PCDH9: variants seen among roughly 807,000 people sequenced by gnomAD.
The protein encoded by PCDH9 is protocadherin 9.
PCDH9 carries 24 observed loss-of-function variants against 70.6 expected under a neutral mutation model. The ratio of observed to expected loss-of-function variants is 0.34; its 90% CI spans 0.25 to 0.48. The LOEUF (loss-of-function observed/expected upper bound fraction) is 0.48, where lower values mean the gene tolerates loss of function less well. PCDH9 is among the 20% of genes least tolerant of loss of function. The pLI is 0.99. For missense variants in PCDH9, 1,281 were observed against 1,503.6 expected (o/e 0.85, Z 2.45); for synonymous variants, 562 against 558.5 (o/e 1.01, Z -0.09).
At chr13:66,707,190 T>C (rs2078722872) in intron 3 of PCDH9, among the ~76,000 whole-genome samples, 1 of 152,196 alleles carries the variant, frequency 6.6e-6, no homozygotes, top group Admixed American at 6.5e-5. Flanking sequence ...CCATAACATG[T>C]AGCAATAACA....
chr13:66,315,667 G>C (rs1955638356), intron 4 of PCDH9, among the ~76,000 whole-genome samples: 2 of 152,196 alleles, frequency 1.3e-5, no homozygotes, highest in South Asian at 2.1e-4. Flanking sequence ...CTTTAATAGT[G>C]ACGGGGTTTC....
rs571467131 is a variant in PCDH9 at position 66,645,207 on chromosome 13, TA to T, written c.3139-13797del. Among the ~76,000 whole-genome samples the T allele has an allele frequency of 3.0e-3, 462 of 152,186 alleles. 1 individual carries two copies. Among genetic ancestry groups the T allele is most frequent in the African/African-American group, 0.011 (439 of 41,544 alleles). The stretch of plus-strand genomic sequence containing the variant: ...GCAGCAGTTCAGCAATATTAGTTAC[TA>T]AGAAACTCTGATAGAAAAAAGTTAT... On this transcript the variant is annotated intron_variant, in intron 3 of 4. Coordinates refer to ENST00000377865, the MANE Select transcript of PCDH9 (RefSeq NM_203487.3).
chr13:67,077,166 T>C (rs540247355), intron 2 of PCDH9, among the ~76,000 whole-genome samples: 16 of 152,132 alleles, frequency 1.1e-4, no homozygotes, highest in Non-Finnish European at 2.4e-4. Flanking sequence ...TACCACTCCC[T>C]AATCAAAGCT....
chr13:66,647,844 C>T (rs1330172153), intron 3 of PCDH9, among the ~76,000 whole-genome samples: 1 of 152,106 alleles, frequency 6.6e-6, no homozygotes, highest in African/African-American at 2.4e-5. Context: ...GGGAGTGTCT[C>T]ATACTCACGA....
intron 3 of PCDH9, among the ~76,000 whole-genome samples, chr13:66,765,995 G>A (rs2079710795): frequency 6.6e-6 from 1 of 151,838 alleles, no homozygotes. Flanking sequence ...TTAAAAGTTT[G>A]TAAATAAGTT....
rs1955412717 is a variant in PCDH9, at chr13:66,303,846, T to A, written c.*809A>T. 1 of 152,132 alleles carries A rather than the reference T, an allele frequency of 6.6e-6. No homozygotes were observed. Among genetic ancestry groups the A allele is most frequent in the African/African-American group, 2.4e-5 (1 of 41,456 alleles). 9.4% of individuals were successfully genotyped at this position (152,132 alleles called of 1,614,324 possible). A position where few individuals can be genotyped will look rare whatever the true frequency, so the allele number is the denominator to read the frequency against. On this transcript the variant is annotated 3_prime_UTR_variant, in exon 5 of 5. Coordinates refer to ENST00000377865, the MANE Select transcript of PCDH9 (RefSeq NM_203487.3). ...TATAAAGTTTTCATTTTTTCTTTCA[T>A]CTTTATTGTTTACAGAATTCCGGCA...
chr13:66,748,375 G>A (rs959213617), intron 3 of PCDH9, among the ~76,000 whole-genome samples: 3 of 152,140 alleles, frequency 2.0e-5, no homozygotes, highest in Non-Finnish European at 2.9e-5. Flanking sequence ...AAGCAAATGA[G>A]TGTACAGTAG....
chr13:67,199,775 C>T (rs1360360803), intron 2 of PCDH9, among the ~76,000 whole-genome samples: 2 of 152,060 alleles, frequency 1.3e-5, no homozygotes, highest in Non-Finnish European at 2.9e-5. Context: ...GCCGCTTGCT[C>T]AGTTCTTGTT....
intron 2 of PCDH9, among the ~76,000 whole-genome samples, chr13:67,002,930 A>G (rs2084275142): frequency 2.0e-5 from 3 of 151,306 alleles, no homozygotes; most frequent in Admixed American, 2.0e-4. Flanking sequence ...ATTTTCAGCC[A>G]TCTATGTCTT....
intron 2 of PCDH9, among the ~76,000 whole-genome samples, chr13:67,090,131 C>G (rs1772203454): frequency 6.6e-6 from 1 of 151,932 alleles, no homozygotes; most frequent in African/African-American, 2.4e-5. Context: ...TAATAAATAT[C>G]TGTTGAATGA....
intron 4 of PCDH9, among the ~76,000 whole-genome samples, chr13:66,317,437 A>G (rs1425240904): frequency 6.6e-6 from 1 of 152,240 alleles, no homozygotes; most frequent in African/African-American, 2.4e-5. Context: ...CTGCATTCAG[A>G]TCACTTATCT....
chr13:66,557,615 G>A (rs1230164425), intron 4 of PCDH9, among the ~76,000 whole-genome samples: 2 of 152,118 alleles, frequency 1.3e-5, no homozygotes, highest in African/African-American at 2.4e-5. Context: ...GGTTACAACA[G>A]AACTTTCCTA....
intron 2 of PCDH9, among the ~76,000 whole-genome samples, chr13:67,076,076 C>G (rs964605850): frequency 6.6e-6 from 1 of 152,080 alleles, no homozygotes; most frequent in African/African-American, 2.4e-5. Context: ...AACATCGAAC[C>G]TTTCAACCAT....
intron 2 of PCDH9, among the ~76,000 whole-genome samples, chr13:67,015,642 A>T (rs978510606): frequency 5.3e-5 from 8 of 152,166 alleles, no homozygotes; most frequent in African/African-American, 1.7e-4. Flanking sequence ...TAGAACATAC[A>T]TTGAACAGAT....
At chr13:66,900,937 A>AAATTTAATCTG (rs2082266844) in intron 3 of PCDH9, among the ~76,000 whole-genome samples, 1 of 151,760 alleles carries the variant, frequency 6.6e-6, no homozygotes, top group Admixed American at 6.6e-5. Flanking sequence ...AATATAATGA[A>AAATTTAATCTG]AAATAACATT....
intron 2 of PCDH9, among the ~76,000 whole-genome samples, chr13:66,972,967 A>G (rs1452313973): frequency 6.6e-6 from 1 of 151,980 alleles, no homozygotes; most frequent in Non-Finnish European, 1.5e-5. Flanking sequence ...GTATCAGATA[A>G]ACAGCAAAGT....
intron 4 of PCDH9, among the ~76,000 whole-genome samples, chr13:66,443,033 T>C (rs1202864100): frequency 6.6e-6 from 1 of 152,208 alleles, no homozygotes; most frequent in East Asian, 1.9e-4. Flanking sequence ...AAGTGCCAAT[T>C]GAAGCCTGGA....
intron 3 of PCDH9, among the ~76,000 whole-genome samples, chr13:66,828,978 G>A (rs2080874338): frequency 6.6e-6 from 1 of 151,716 alleles, no homozygotes; most frequent in African/African-American, 2.4e-5. Context: ...ATTGATAATG[G>A]CATTATTGAA....
chr13:67,202,987 A>T (rs1303647430), intron 2 of PCDH9: 1 of 152,102 alleles, frequency 6.6e-6, no homozygotes, highest in Non-Finnish European at 1.5e-5. Context: ...AATGAACAGG[A>T]GTTAATGAAG....
Sources: gnomAD v4.1 joint callset for allele counts (sites outside exome capture counted in the v4.1 genomes callset) on GRCh38, gnomAD v4.1.1 for gene constraint, MANE v1.5 for transcripts, NCBI Gene and HGNC (gene_info 2026-07-23, HGNC 2026-07-21) for gene names.